The following NFATC2 variants were observed in gnomAD, a reference collection of about 807,000 sequenced individuals.
The protein encoded by NFATC2 is nuclear factor of activated T cells 2.
NFATC2 carries 22 observed loss-of-function variants against 87.3 expected under a neutral mutation model. That is an observed-to-expected ratio of 0.25 (90% CI 0.18 to 0.36). The LOEUF is 0.36. Ranked by LOEUF, NFATC2 falls within the 10% of genes least tolerant of loss-of-function variation. NFATC2 has a pLI of 1.00. For missense variants in NFATC2, 1,149 were observed against 1,259.1 expected, an observed-to-expected ratio of 0.91 and a Z score of 1.32; for synonymous variants, 565 against 542.2, an observed-to-expected ratio of 1.04 and a Z score of -0.58.
At chr20:51,541,790 T>G (rs2076821075) in intron 1 of NFATC2, among the ~76,000 whole-genome samples, 1 of 152,118 alleles carries the variant, frequency 6.6e-6, no homozygotes, top group Non-Finnish European at 1.5e-5. Flanking sequence ...CTCTCCAGCA[T>G]CAGACAGACA....
chr20:51,494,647 G>A (rs566143252), intron 3 of NFATC2, among the ~76,000 whole-genome samples: 15 of 152,270 alleles, frequency 9.9e-5, no homozygotes, highest in African/African-American at 2.9e-4. Flanking sequence ...AAACAAGGCC[G>A]CGGCTCAGTC....
chr20:51,498,564 G>A (rs1469579672), intron 3 of NFATC2, among the ~76,000 whole-genome samples: 14 of 152,326 alleles, frequency 9.2e-5, no homozygotes, highest in African/African-American at 2.4e-4. Flanking sequence ...TTGGGAGGCC[G>A]AGGCAGGCAG....
intron 6 of NFATC2, among the ~76,000 whole-genome samples, chr20:51,451,572 G>T (rs1007247260): frequency 6.6e-6 from 1 of 152,238 alleles, no homozygotes; most frequent in African/African-American, 2.4e-5. Context: ...TAGACCAGGG[G>T]TCTTCAATCC....
At chr20:51,403,157 T>A (rs372475850) in intron 9 of NFATC2, among the ~76,000 whole-genome samples, 1 of 152,234 alleles carries the variant, frequency 6.6e-6, no homozygotes, top group African/African-American at 2.4e-5. Flanking sequence ...GGATCTATCT[T>A]TTGTATTTTA....
intron 9 of NFATC2, among the ~76,000 whole-genome samples, chr20:51,424,958 GA>G (rs1981551653): frequency 1.3e-5 from 2 of 151,882 alleles, no homozygotes; most frequent in South Asian, 4.1e-4. Context: ...TCTTCCATAT[GA>G]CAATGCTTTG....
intron 5 of NFATC2, among the ~76,000 whole-genome samples, chr20:51,468,822 C>T (rs1169289490): frequency 6.6e-6 from 1 of 152,206 alleles, no homozygotes; most frequent in Admixed American, 6.5e-5. Context: ...AATGCTTCCT[C>T]CTTGAGGAGC....
intron 1 of NFATC2, among the ~76,000 whole-genome samples, chr20:51,541,981 T>C (rs1390269844): frequency 6.6e-6 from 1 of 152,160 alleles, no homozygotes; most frequent in East Asian, 1.9e-4. Flanking sequence ...AACTCCATTC[T>C]TCGCTTCCTC....
At chr20:51,476,378 C>G (rs1225781973) in intron 3 of NFATC2, among the ~76,000 whole-genome samples, 1 of 151,506 alleles carries the variant, frequency 6.6e-6, no homozygotes, top group Non-Finnish European at 1.5e-5. Flanking sequence ...TAGTCTAAGT[C>G]AAAAGATAAA....
chr20:51,494,520 G>T (rs2075956083), intron 3 of NFATC2, among the ~76,000 whole-genome samples: 1 of 152,106 alleles, frequency 6.6e-6, no homozygotes, highest in Non-Finnish European at 1.5e-5. Context: ...ACTACTACGT[G>T]CAGGTCTTTG....
intron 5 of NFATC2, among the ~76,000 whole-genome samples, chr20:51,458,972 T>TGC (rs1174032190): frequency 6.6e-6 from 1 of 152,186 alleles, no homozygotes; most frequent in Admixed American, 6.5e-5. Context: ...TTTTGAGTCC[T>TGC]GCATCTGCCA....
rs1210312285 is a variant in NFATC2, at chr20:51,435,276, C to T, written c.1944G>A (p.Lys648=). ...TCACTTTTACAGGTGTGCGGATATG[C>T]TTGTTCCGATATTCAGGGATCTCAA... ...LFVEIPEYRN[K]HIRTPVKVNF... is the part of the protein sequence containing the mutation. Residue 648 remains lysine (K), a synonymous_variant, in exon 8 of 11, where the codon AAG becomes AAA. Transcript: ENST00000371564. 1.9e-6 allele frequency: 3 copies of T among 1,614,072 alleles called. No homozygotes were observed. The highest frequency in any genetic ancestry group is 1.3e-5 in the African/African-American group (1 of 74,918).
At chr20:51,467,102 T>G (rs1033189272) in intron 5 of NFATC2, among the ~76,000 whole-genome samples, 11 of 145,844 alleles carry the variant, frequency 7.5e-5, no homozygotes, top group African/African-American at 2.8e-4. Flanking sequence ...ACACAAGACA[T>G]TACCTGAAAA....
rs902988763 is a variant in NFATC2, at chr20:51,441,842, T to G, written c.1850-6081A>C. On this transcript the variant is annotated intron_variant, in intron 6 of 10. Transcript: ENST00000371564. ...CAGCGCATAGTTAATGCTGCTGTCA[T>G]TACTATGATTTTAGAATTTGGAGTC... 3.3e-5 allele frequency among the ~76,000 whole-genome samples: 5 copies of G among 152,218 alleles called. No homozygotes were observed. The East Asian group carries it at 9.6e-4, about 29-fold the overall frequency.
chr20:51,433,727 G>A (rs1276392222), intron 8 of NFATC2, among the ~76,000 whole-genome samples: 1 of 151,522 alleles, frequency 6.6e-6, no homozygotes, highest in African/African-American at 2.4e-5. Context: ...GTGTGCATGT[G>A]TGTGTGCGCA....
rs574877378 is a variant in NFATC2, at chr20:51,475,463, C to T, written c.1530G>A (p.Arg510=). 2.9e-5 allele frequency: 46 copies of T among 1,613,676 alleles called. 1 individual carries two copies. The South Asian group carries it at 4.7e-4, about 17-fold the overall frequency. The part of the protein sequence containing the change: ...EIPLEPKNNM[R]ATIDCAGILK... ...CCTCAGCTCCCAGCCCTTACGTTGC[C>T]CTCATGTTGTTTTTGGGCTCCAAGG... Residue 510 remains arginine (R), a synonymous_variant, in exon 4 of 11, where the codon AGG becomes AGA. Transcript: ENST00000371564.
chr20:51,528,801 G>A (rs137950491), intron 1 of NFATC2, among the ~76,000 whole-genome samples: 5 of 152,266 alleles, frequency 3.3e-5, no homozygotes, highest in South Asian at 4.1e-4. Flanking sequence ...GTCCTGCTCC[G>A]CCACTAAGTA....
chr20:51,400,162 G>A (rs1328650602), intron 9 of NFATC2, among the ~76,000 whole-genome samples: 3 of 152,062 alleles, frequency 2.0e-5, no homozygotes, highest in African/African-American at 7.2e-5. Flanking sequence ...TGCCACCCCG[G>A]CCCTACAGCA....
chr20:51,479,278 T>C (rs1989024190), intron 3 of NFATC2, among the ~76,000 whole-genome samples: 1 of 152,244 alleles, frequency 6.6e-6, no homozygotes, highest in Non-Finnish European at 1.5e-5. Context: ...CTTGCTATTT[T>C]GTTAGCATGG....
At chr20:51,441,888 TA>T (rs1568982387) in intron 6 of NFATC2, among the ~76,000 whole-genome samples, 2 of 152,136 alleles carry the variant, frequency 1.3e-5, no homozygotes, top group Admixed American at 6.6e-5. Context: ...CTGATTCCAG[TA>T]AAAAAGAATT....
Sources: allele counts gnomAD v4.1 joint callset (sites outside exome capture counted in the v4.1 genomes callset), GRCh38; gene constraint gnomAD v4.1.1; transcripts MANE v1.5; gene names NCBI Gene and HGNC (gene_info 2026-07-23, HGNC 2026-07-21).